Variants in ACOT7 observed in about 807,000 individuals in gnomAD.
ACOT7 encodes acyl-CoA thioesterase 7.
In ACOT7, 12 loss-of-function variants were observed where a neutral mutation model predicts 40.2. The ratio of observed to expected loss-of-function variants is 0.30; its 90% CI spans 0.19 to 0.48. The LOEUF (loss-of-function observed/expected upper bound fraction) is 0.48. ACOT7 is among the 20% of genes least tolerant of loss of function. The pLI, the probability that ACOT7 is intolerant of heterozygous loss-of-function variation, is 0.99. For missense variants in ACOT7, 395 were observed against 530.8 expected, an observed-to-expected ratio of 0.74 and a Z score of 2.51; for synonymous variants, 228 against 219.5, an observed-to-expected ratio of 1.04 and a Z score of -0.34.
Position 6,301,144 on chromosome 1 carries a change from G to A in ACOT7, c.713-6164C>T, listed in dbSNP as rs1046521841. ...CCAGCTGGTGTCATCAACTCAGGGT[G>A]GTTTAGCTGTGGGGGAAGGAGGAGG... is the stretch of plus-strand genomic sequence containing the variant. On this transcript the variant is annotated intron_variant, in intron 6 of 8. Coordinates refer to ENST00000361521, the MANE Select transcript of ACOT7 (RefSeq NM_007274.4). The surrounding 1 kb of genome is among the most constrained non-coding windows in gnomAD (Gnocchi z 4.1). 2.0e-5 allele frequency among the ~76,000 whole-genome samples: 3 copies of A among 152,198 alleles called. No homozygotes were observed. Among genetic ancestry groups the A allele is most frequent in the Non-Finnish European group, 2.9e-5 (2 of 68,034 alleles).
rs1028916667 is a variant in ACOT7 at position 6,299,047 on chromosome 1, G to A, written c.713-4067C>T. ...TGCCTGGAGGGGCTTGAGTCCCTCT[G>A]TCCCCGTCTAGAGTGTGAGAGTCAC... is the stretch of plus-strand genomic sequence containing the variant. On this transcript the variant is annotated intron_variant, in intron 6 of 8. Coordinates refer to ENST00000361521, the MANE Select transcript of ACOT7 (RefSeq NM_007274.4). This position sits in a 1 kb window ranked among gnomAD's most constrained non-coding sequence, Gnocchi z 4.1. 6.6e-6 allele frequency among the ~76,000 whole-genome samples: 1 copy of A among 152,210 alleles called. No individual in the cohort carries two copies. The highest frequency in any genetic ancestry group is 2.4e-5 in the African/African-American group (1 of 41,462).
chr1:6,309,245 T>G (rs752535855), intron 6 of ACOT7, among the ~76,000 whole-genome samples: 1 of 152,200 alleles, frequency 6.6e-6, no homozygotes, highest in African/African-American at 2.4e-5. Flanking sequence ...TAGAGGGTGC[T>G]TGGACTTGGA....
chr1:6,364,030 T>C (rs1000256999), intron 1 of ACOT7, among the ~76,000 whole-genome samples: 2 of 151,940 alleles, frequency 1.3e-5, no homozygotes, highest in Admixed American at 1.3e-4. Context: ...CAAGATTGAA[T>C]TCCAGCCTGG....
chr1:6,322,950 G>A (rs1640689486), intron 5 of ACOT7, among the ~76,000 whole-genome samples: 1 of 151,916 alleles, frequency 6.6e-6, no homozygotes, highest in African/African-American at 2.4e-5. Context: ...GGCCAACATG[G>A]TGAAACCCCT....
Position 6,377,180 on chromosome 1 carries a change from G to C in ACOT7, c.143+16077C>G, listed in dbSNP as rs534166617. 3.9e-5 allele frequency among the ~76,000 whole-genome samples: 6 copies of C among 152,240 alleles called. No individual in the cohort carries two copies. The South Asian group carries it at 1.2e-3, about 32-fold the overall frequency. On this transcript the variant is annotated intron_variant, in intron 1 of 8. Transcript: ENST00000361521. Reference sequence around the variant, plus strand: ...CTTTGGAAGACAGTTTGGCAGTTTTGTACAAAGCTAAATGTACTCTTCAAT... The same window carrying C: ...CTTTGGAAGACAGTTTGGCAGTTTTCTACAAAGCTAAATGTACTCTTCAAT...
At position 6,326,338 on chromosome 1, in the gene ACOT7, G is replaced by A. The variant is rs77137588; in HGVS notation, c.625+961C>T. 5.2e-3 allele frequency among the ~76,000 whole-genome samples: 789 copies of A among 152,332 alleles called. 7 individuals are homozygous for A. Among genetic ancestry groups the A allele is most frequent in the African/African-American group, 0.018 (754 of 41,582 alleles). On this transcript the variant is annotated intron_variant, in intron 5 of 8. Coordinates refer to ENST00000361521, the MANE Select transcript of ACOT7 (RefSeq NM_007274.4). Reference sequence around the variant, plus strand: ...CCTGCCCTGAATTGTTTCTAGGAACGCGGGGAGTTCTCTGGGTAGAAAGTC... The same window carrying A: ...CCTGCCCTGAATTGTTTCTAGGAACACGGGGAGTTCTCTGGGTAGAAAGTC...
intron 6 of ACOT7, among the ~76,000 whole-genome samples, chr1:6,315,034 C>A (rs1014659708): frequency 6.6e-6 from 1 of 152,196 alleles, no homozygotes; most frequent in Non-Finnish European, 1.5e-5. Context: ...TCTGTCCATG[C>A]AACCAGGAAA....
In ACOT7 at chr1:6,315,753, TAAAAAAAAAAAAAAAA is replaced by T. The variant is rs61115908; in HGVS notation, c.712+2723_712+2738del. Among the ~76,000 whole-genome samples the T allele has an allele frequency of 6.0e-5, 5 of 83,608 alleles. No individual in the cohort carries two copies. In the Admixed American group the frequency reaches 7.2e-4, roughly 12 times the overall value. 54.9% of individuals were successfully genotyped at this position (83,608 alleles called of 152,430 possible). A position where few individuals can be genotyped will look rare whatever the true frequency, so the allele number is the denominator to read the frequency against. On this transcript the variant is annotated intron_variant, in intron 6 of 8. Coordinates refer to ENST00000361521, the MANE Select transcript of ACOT7 (RefSeq NM_007274.4). ...GTGGGCGACAGAGTGAGACTCTGTCTAAAAAAAAAAAAAAAAAAAAAAAAAAGAGAGAAGGTTAAGC... is the reference window on the plus strand; with the variant it reads ...GTGGGCGACAGAGTGAGACTCTGTCTAAAAAAAAAAGAGAGAAGGTTAAGC...
At position 6,271,917 on chromosome 1, in the gene ACOT7, C is replaced by T. The variant is rs537300874; in HGVS notation, c.1015-7222G>A. Among the ~76,000 whole-genome samples, 183 of 152,396 alleles carry T rather than the reference C, an allele frequency of 1.2e-3. 3 individuals are homozygous for T. Among genetic ancestry groups the T allele is most frequent in the African/African-American group, 4.2e-3 (175 of 41,606 alleles). Reference sequence around the variant, plus strand: ...TCGTCACCACAAAGGGGAGAAAAGGCATTGGGACTTGGGCCTGGGTGGTGG... The same window carrying T: ...TCGTCACCACAAAGGGGAGAAAAGGTATTGGGACTTGGGCCTGGGTGGTGG... On this transcript the variant is annotated intron_variant, in intron 8 of 8. Transcript: ENST00000361521.
chr1:6,392,587 T>C (rs538823443), intron 1 of ACOT7, among the ~76,000 whole-genome samples: 152 of 152,304 alleles, frequency 1.0e-3, no homozygotes, highest in African/African-American at 3.5e-3. Context: ...GCCTCTATTG[T>C]GTAAGATGCT....
intron 6 of ACOT7, among the ~76,000 whole-genome samples, chr1:6,304,771 T>C (rs1162822889): frequency 7.4e-6 from 1 of 135,286 alleles, no homozygotes; most frequent in African/African-American, 3.1e-5. Context: ...CAGAACAAAA[T>C]GAAAAGTCTC....
At chr1:6,372,386 TG>T (rs1331164820) in intron 1 of ACOT7, among the ~76,000 whole-genome samples, 2 of 152,232 alleles carry the variant, frequency 1.3e-5, no homozygotes, top group African/African-American at 4.8e-5. Flanking sequence ...AAGGCTGTTT[TG>T]CTTTCTTATC....
At position 6,393,724 on chromosome 1, in the gene ACOT7, G is replaced by T; in HGVS notation, c.-325C>A. On this transcript the variant is annotated 5_prime_UTR_variant, in exon 1 of 9. Coordinates refer to ENST00000361521, the MANE Select transcript of ACOT7 (RefSeq NM_007274.4). ...TGGGGCGGCCTAAGTGGCGGAGCAGGGCGGACTTGGGCCCTCACTCTCCGC... is the reference window on the plus strand; with the variant it reads ...TGGGGCGGCCTAAGTGGCGGAGCAGTGCGGACTTGGGCCCTCACTCTCCGC... 1 of 188,376 alleles carries T rather than the reference G, an allele frequency of 5.3e-6. No individual in the cohort carries two copies. Among genetic ancestry groups the T allele is most frequent in the Non-Finnish European group, 1.1e-5 (1 of 92,152 alleles). The allele number at this position is 188,376 out of a possible 1,614,324, so 11.7% of individuals were successfully genotyped here.
intron 6 of ACOT7, among the ~76,000 whole-genome samples, chr1:6,307,903 A>G (rs1178812876): frequency 1.3e-5 from 2 of 151,278 alleles, no homozygotes; most frequent in African/African-American, 2.4e-5. Flanking sequence ...GGGAACTACA[A>G]CTGGGCAGAG....
intron 7 of ACOT7, among the ~76,000 whole-genome samples, chr1:6,291,557 C>T (rs1376234006): frequency 1.3e-5 from 2 of 152,202 alleles, no homozygotes; most frequent in African/African-American, 2.4e-5. Flanking sequence ...CTCTACAGTA[C>T]AAAGCTCTGC....
intron 1 of ACOT7, among the ~76,000 whole-genome samples, chr1:6,369,398 C>CTTTTTTTTTT (rs60404741): frequency 1.5e-4 from 15 of 100,914 alleles, no homozygotes; most frequent in African/African-American, 3.9e-4. Flanking sequence ...AAATGCATTT[C>CTTTTTTTTTT]TTTTTTTTTT....
At chr1:6,377,150 A>T (rs775659698) in intron 1 of ACOT7, among the ~76,000 whole-genome samples, 1 of 152,236 alleles carries the variant, frequency 6.6e-6, no homozygotes, top group Non-Finnish European at 1.5e-5. Context: ...AAAATGGCAC[A>T]GCCACTTTGG....
In ACOT7 at chr1:6,274,816, T is replaced by C. The variant is rs1639141807; in HGVS notation, c.1014+6286A>G. Among the ~76,000 whole-genome samples the C allele has an allele frequency of 6.6e-6, 1 of 152,014 alleles. No individual in the cohort carries two copies. Among genetic ancestry groups the C allele is most frequent in the East Asian group, 1.9e-4 (1 of 5,186 alleles). On this transcript the variant is annotated intron_variant, in intron 8 of 8. Transcript: ENST00000361521. This position sits in a 1 kb window ranked among gnomAD's most constrained non-coding sequence, Gnocchi z 5.9. ...CAAAGGCCCTGGGCTGAGCGCGGTG[T>C]GGGTGGGCGGCGCAGTGCAGGTGGG...
chr1:6,339,741 T>G (rs1641213039), intron 2 of ACOT7, 152 bp from the exon 3 acceptor site: 1 of 571,464 alleles, frequency 1.7e-6, no homozygotes, highest in Non-Finnish European at 2.6e-6. Flanking sequence ...GCACCGCGGT[T>G]TTTTTTTTTT....
Sources: gnomAD v4.1 joint callset for allele counts (sites outside exome capture counted in the v4.1 genomes callset) on GRCh38, gnomAD v4.1.1 for gene constraint, Gnocchi (gnomAD v3.1) non-coding constraint, MANE v1.5 for transcripts, NCBI Gene and HGNC (gene_info 2026-07-23, HGNC 2026-07-21) for gene names.